TTI1: variants seen among roughly 807,000 people sequenced by gnomAD.
The protein encoded by TTI1 is TELO2 interacting protein 1.
Under a neutral mutation model 85.4 loss-of-function variants are expected in TTI1, and 52 were observed. The ratio of observed to expected loss-of-function variants is 0.61; its 90% CI spans 0.49 to 0.77. The LOEUF is 0.77. Ranked by LOEUF, TTI1 falls within the 30% of genes least tolerant of loss-of-function variation. The pLI is 0.00. For synonymous variants in TTI1, 512 were observed against 503.9 expected, an observed-to-expected ratio of 1.02 and a Z score of -0.22; for missense variants, 1,173 against 1,296.0, an observed-to-expected ratio of 0.91 and a Z score of 1.46.
intron 5 of TTI1, among the ~76,000 whole-genome samples, chr20:37,997,803 C>T (rs144933773): frequency 2.0e-5 from 3 of 152,246 alleles, no homozygotes; most frequent in East Asian, 3.9e-4. Context: ...TTATTGTGTA[C>T]ACATCTTTAT....
At chr20:38,022,854 T>A (rs1394091750) in intron 1 of TTI1, among the ~76,000 whole-genome samples, 1 of 152,142 alleles carries the variant, frequency 6.6e-6, no homozygotes. Flanking sequence ...GTGTTCAGAG[T>A]ACACTGGAGG....
At chr20:37,991,522 GCAGGGAAGT>G (rs2073264727) in intron 7 of TTI1, among the ~76,000 whole-genome samples, 1 of 152,232 alleles carries the variant, frequency 6.6e-6, no homozygotes, top group Non-Finnish European at 1.5e-5. Flanking sequence ...TAGAAAGAGA[GCAGGGAAGT>G]CAGTCTGTAA....
intron 1 of TTI1, among the ~76,000 whole-genome samples, chr20:38,021,792 CA>C (rs1238520181): frequency 6.6e-6 from 1 of 152,128 alleles, no homozygotes; most frequent in Non-Finnish European, 1.5e-5. Context: ...TAACTTGTAA[CA>C]GGGGTGGGCT....
At chr20:38,024,420 C>G (rs1479502530) in intron 1 of TTI1, among the ~76,000 whole-genome samples, 1 of 152,078 alleles carries the variant, frequency 6.6e-6, no homozygotes, top group Non-Finnish European at 1.5e-5. Flanking sequence ...AGAAAGCAGA[C>G]TGGTTAGGGA....
chr20:37,984,290 T>C (rs540362892), intron 7 of TTI1, among the ~76,000 whole-genome samples: 1 of 152,326 alleles, frequency 6.6e-6, no homozygotes, highest in Non-Finnish European at 1.5e-5. Flanking sequence ...GGGGCAGGAC[T>C]GGCTGAGCTC....
rs893011593 is a variant in TTI1, at chr20:37,983,518, C to T, written c.3208G>A (p.Ala1070Thr). The change falls in exon 8 of 8, where the codon GCC becomes ACC. Residue 1070 changes from alanine to threonine, a missense_variant. Ala to Thr is a moderately conservative substitution (Grantham distance 58). Coordinates refer to ENST00000373447, the MANE Select transcript of TTI1 (RefSeq NM_001303457.2). ...PSLHPVQLHG[A>T]SGQQNPYTTN... ...GTGTAGGGGTTCTGCTGCCCGCTGG[C>T]CCCGTGCAGCTGCACAGGGTGGAGG... 34 of 1,611,038 alleles carry T rather than the reference C, an allele frequency of 2.1e-5. No individual in the cohort carries two copies. Among genetic ancestry groups the T allele is most frequent in the Non-Finnish European group, 2.8e-5 (33 of 1,179,416 alleles).
intron 4 of TTI1, chr20:38,000,558 G>C (rs1004460330): frequency 6.6e-6 from 1 of 150,902 alleles, no homozygotes; most frequent in African/African-American, 2.6e-5. Context: ...GCAAGACAGA[G>C]AGAAGCCGGC....
chr20:38,017,435 T>TGTGTGTGTGTGTGTGC (rs879610985), intron 1 of TTI1, among the ~76,000 whole-genome samples: 24 of 146,132 alleles, frequency 1.6e-4, no homozygotes, highest in African/African-American at 5.9e-4. Flanking sequence ...TGTGTGTGTG[T>TGTGTGTGTGTGTGTGC]GCGCGCGCGC....
At chr20:38,017,442 G>A (rs1024955934) in intron 1 of TTI1, among the ~76,000 whole-genome samples, 11 of 152,060 alleles carry the variant, frequency 7.2e-5, no homozygotes, top group South Asian at 2.1e-4. Context: ...GTGTGCGCGC[G>A]CGCCTTTGGT....
chr20:38,000,267 G>A (rs1171979507), intron 4 of TTI1: 1 of 154,342 alleles, frequency 6.5e-6, no homozygotes, highest in East Asian at 1.9e-4. Context: ...GGGAGACCAA[G>A]TTCTGTTACC....
At chr20:37,992,717 G>GAGT (rs1164363670) in intron 7 of TTI1, among the ~76,000 whole-genome samples, 1 of 152,208 alleles carries the variant, frequency 6.6e-6, no homozygotes, top group Non-Finnish European at 1.5e-5. Flanking sequence ...TTGGCCCAAG[G>GAGT]AGTATGGTTT....
At position 38,012,170 on chromosome 20, in the gene TTI1, G is replaced by A. The variant is rs779949597; in HGVS notation, c.1647C>T (p.Asn549=). ...TCACAATCTCTCTCAGTTCTTCTGG[G>A]TTTGTTTTAATATGTTTTTCGTGAA... ...EDLHEKHIKT[N]PEELREIVTS... The change falls in exon 2 of 8, where the codon AAC becomes AAT. Residue 549 remains asparagine, a synonymous_variant. Coordinates refer to ENST00000373447, the MANE Select transcript of TTI1 (RefSeq NM_001303457.2). 3.1e-6 allele frequency: 5 copies of A among 1,614,082 alleles called. No individual in the cohort carries two copies. The highest frequency in any genetic ancestry group is 4.2e-6 in the Non-Finnish European group (5 of 1,180,032).
chr20:38,011,691 A>C lies in TTI1; in HGVS notation c.2126T>G (p.Leu709Arg), dbSNP rs1169900771. The C allele has an allele frequency of 6.2e-7, 1 of 1,614,144 alleles. No homozygotes were observed. Among genetic ancestry groups the C allele is most frequent in the Non-Finnish European group, 8.5e-7 (1 of 1,180,054 alleles). The change falls in exon 2 of 8, where the codon CTG becomes CGG. Residue 709 changes from leucine (L) to arginine (R), a missense_variant. By Grantham distance (102) the Leu-to-Arg change is moderately radical. Transcript: ENST00000373447. ...CTTTGGGGTATGAGGATGCAGAGCC[A>C]GATGACGCAGATTTAAAGAGATCCC... ...VNGISLNLRHLALHPHTPKVL... is the reference protein window; with the variant it reads ...VNGISLNLRHRALHPHTPKVL...
At chr20:38,016,751 C>T (rs1428126020) in intron 1 of TTI1, among the ~76,000 whole-genome samples, 1 of 152,188 alleles carries the variant, frequency 6.6e-6, no homozygotes, top group Non-Finnish European at 1.5e-5. Context: ...GTTTCTTGCC[C>T]TCCTCGAATT....
At chr20:37,985,716 C>T (rs1165577273) in intron 7 of TTI1, among the ~76,000 whole-genome samples, 3 of 151,834 alleles carry the variant, frequency 2.0e-5, no homozygotes, top group Admixed American at 1.3e-4. Context: ...TTAGTAGAGA[C>T]GGGGTTTCAC....
intron 1 of TTI1, among the ~76,000 whole-genome samples, chr20:38,023,161 A>G (rs1295007399): frequency 6.6e-6 from 1 of 152,202 alleles, no homozygotes; most frequent in Admixed American, 6.5e-5. Flanking sequence ...CTCATCCACA[A>G]GCTGAGCAGC....
intron 1 of TTI1, among the ~76,000 whole-genome samples, chr20:38,024,255 A>G (rs1568631338): frequency 6.6e-6 from 1 of 152,178 alleles, no homozygotes; most frequent in Non-Finnish European, 1.5e-5. Context: ...CTTATTTATA[A>G]ATATTAATAT....
At chr20:38,032,991 C>A (rs1220472433) in intron 1 of TTI1, among the ~76,000 whole-genome samples, 3 of 152,160 alleles carry the variant, frequency 2.0e-5, no homozygotes, top group Non-Finnish European at 2.9e-5. Context: ...CGTAATAATA[C>A]CCTGAGTGAG....
chr20:38,028,937 G>A (rs961003774), intron 1 of TTI1, among the ~76,000 whole-genome samples: 2 of 152,034 alleles, frequency 1.3e-5, no homozygotes, highest in Admixed American at 1.3e-4. Context: ...GAACTCCTAG[G>A]CTCAAGTGAT....
Sources: allele counts gnomAD v4.1 joint callset (sites outside exome capture counted in the v4.1 genomes callset), GRCh38; gene constraint gnomAD v4.1.1; transcripts MANE v1.5; gene names NCBI Gene and HGNC (gene_info 2026-07-23, HGNC 2026-07-21).